ABCA12: variants seen among roughly 807,000 people sequenced by gnomAD.
The protein encoded by ABCA12 is ATP binding cassette subfamily A member 12.
A neutral mutation model predicts 293.5 loss-of-function variants in ABCA12; 156 were observed. The ratio of observed to expected loss-of-function variants is 0.53; its 90% CI spans 0.47 to 0.61. ABCA12 has a LOEUF of 0.61. Ranked by LOEUF, ABCA12 falls within the 20% of genes least tolerant of loss-of-function variation. The pLI is 0.00. For synonymous variants in ABCA12, 1,063 were observed against 1,108.0 expected (o/e 0.96, Z 0.81); for missense variants, 2,797 against 3,090.2 (o/e 0.91, Z 2.25).
intron 39 of ABCA12, chr2:214,962,457 A>G (rs987740473): frequency 5.9e-5 from 9 of 152,160 alleles, no homozygotes; most frequent in Admixed American, 2.0e-4. Context: ...GCAGTGCTCA[A>G]TGAATGGCAA....
chr2:215,119,764 CA>C (rs111543621), intron 1 of ABCA12, among the ~76,000 whole-genome samples: 16,416 of 136,648 alleles, frequency 0.12, 2,066 homozygotes, highest in African/African-American at 0.32. Flanking sequence ...GAAAACAAAA[CA>C]AAAAAAAACA....
intron 24 of ABCA12, among the ~76,000 whole-genome samples, chr2:214,990,499 T>C (rs993349479): frequency 3.9e-5 from 6 of 152,214 alleles, no homozygotes; most frequent in Middle Eastern, 3.2e-3. Context: ...CAGTATCACA[T>C]ATCATGGTTT....
chr2:214,998,027 A>G (rs1220060396), intron 22 of ABCA12, among the ~76,000 whole-genome samples: 1 of 152,152 alleles, frequency 6.6e-6, no homozygotes, highest in African/African-American at 2.4e-5. Context: ...GAGTAAGAAA[A>G]AAAAAAGCTC....
At chr2:215,073,655 A>G (rs1377134008) in intron 2 of ABCA12, among the ~76,000 whole-genome samples, 1 of 152,084 alleles carries the variant, frequency 6.6e-6, no homozygotes, top group African/African-American at 2.4e-5. Context: ...GAGGAATGGT[A>G]CACTGGGGGA....
chr2:214,950,593 G>C (rs1203481804), intron 45 of ABCA12, among the ~76,000 whole-genome samples: 2 of 149,314 alleles, frequency 1.3e-5, no homozygotes, highest in African/African-American at 4.9e-5. Context: ...CAGCCTCCAC[G>C]ACCCAGGTTC....
chr2:215,062,621 G>A (rs1387758943), intron 3 of ABCA12, among the ~76,000 whole-genome samples: 3 of 151,926 alleles, frequency 2.0e-5, no homozygotes, highest in African/African-American at 7.2e-5. Context: ...AACCGTGTTA[G>A]CTGACTTTTT....
Position 215,045,883 on chromosome 2 carries a change from C to T in ABCA12, c.826G>A (p.Asp276Asn). 1 of 1,613,592 alleles carries T rather than the reference C, an allele frequency of 6.2e-7. No homozygotes were observed. Among genetic ancestry groups the T allele is most frequent in the Non-Finnish European group, 8.5e-7 (1 of 1,179,760 alleles). The change falls in exon 7 of 53, where the codon GAC (aspartate) becomes AAC (asparagine). Residue 276 changes from aspartate (D) to asparagine (N), a missense_variant. Physicochemically the swap from Asp to Asn is conservative, Grantham distance 23. Transcript: ENST00000272895. ...TCAAATAGATTGCTTAGTGATGTGT[C>T]ATTCTGAAACACATTTGGAAAACTA... ...LSSFPNVFQNDTSLSNLFDVL... is the reference protein window; with the variant it reads ...LSSFPNVFQNNTSLSNLFDVL...
chr2:215,134,452 G>A (rs1463182581), intron 1 of ABCA12, among the ~76,000 whole-genome samples: 1 of 143,444 alleles, frequency 7.0e-6, no homozygotes, highest in African/African-American at 2.6e-5. Flanking sequence ...ACGTATATAT[G>A]TACATATATG....
chr2:214,940,376 C>A (rs1386887746), intron 50 of ABCA12, among the ~76,000 whole-genome samples: 2 of 152,194 alleles, frequency 1.3e-5, no homozygotes, highest in East Asian at 3.9e-4. Flanking sequence ...CAGTATTTTA[C>A]TGAGGATTTT....
intron 24 of ABCA12, among the ~76,000 whole-genome samples, chr2:214,990,110 T>A (rs551836924): frequency 6.6e-6 from 1 of 152,352 alleles, no homozygotes; most frequent in South Asian, 2.1e-4. Context: ...AAGTTGTCAA[T>A]GCTAGATAAA....
intron 11 of ABCA12, chr2:215,022,471 C>T (rs1266488521): frequency 6.6e-6 from 1 of 152,208 alleles, no homozygotes; most frequent in Non-Finnish European, 1.5e-5. Context: ...GAGAACAATA[C>T]AGGCATTAAA....
intron 2 of ABCA12, among the ~76,000 whole-genome samples, chr2:215,093,135 A>T (rs1367434415): frequency 6.6e-6 from 1 of 152,142 alleles, no homozygotes; most frequent in African/African-American, 2.4e-5. Context: ...GATATCGCAT[A>T]TCCCCCTCCA....
chr2:214,964,726 G>T (rs1699212353), intron 39 of ABCA12, among the ~76,000 whole-genome samples: 1 of 152,114 alleles, frequency 6.6e-6, no homozygotes, highest in Non-Finnish European at 1.5e-5. Flanking sequence ...AGCAATCAGA[G>T]AGAACACAAA....
intron 9 of ABCA12, among the ~76,000 whole-genome samples, chr2:215,031,142 C>T (rs1344383200): frequency 6.6e-6 from 1 of 152,176 alleles, no homozygotes; most frequent in African/African-American, 2.4e-5. Context: ...AGCATGGTTG[C>T]TGCTGTTATT....
intron 1 of ABCA12, among the ~76,000 whole-genome samples, chr2:215,130,041 T>C (rs1703018796): frequency 1.3e-5 from 2 of 152,200 alleles, no homozygotes; most frequent in Admixed American, 6.5e-5. Context: ...GATGTAGGTA[T>C]GTGGCTTTAT....
chr2:215,090,024 G>T (rs2372483), intron 2 of ABCA12, among the ~76,000 whole-genome samples: 16,702 of 152,036 alleles, frequency 0.11, 1,249 homozygotes, highest in East Asian at 0.42. Flanking sequence ...GAAAATGGCC[G>T]GTTCCTGCCT....
intron 8 of ABCA12, among the ~76,000 whole-genome samples, chr2:215,036,345 G>A (rs572202056): frequency 6.6e-6 from 1 of 152,202 alleles, no homozygotes; most frequent in Admixed American, 6.5e-5. Context: ...ATATGTAAAA[G>A]CTGACAAACT....
chr2:215,036,958 G>T lies in ABCA12; in HGVS notation c.980C>A (p.Ala327Asp). The T allele has an allele frequency of 1.2e-6, 2 of 1,613,192 alleles. No individual in the cohort carries two copies. Among genetic ancestry groups the T allele is most frequent in the Non-Finnish European group, 1.7e-6 (2 of 1,179,236 alleles). The change falls in exon 8 of 53, where the codon GCT becomes GAT. Residue 327 changes from alanine to aspartate, a missense_variant. Around this residue, in one of 3 missense-constraint regions of ABCA12, gnomAD observed 656 missense variants for 638.2 expected, o/e 1.03. Coordinates refer to ENST00000272895, the MANE Select transcript of ABCA12 (RefSeq NM_173076.3). ...KHLLYTLDSP[A>D]QGDSDNITHV... ...GTAAGATGGAAATATAATACCTTGA[G>T]CTGGGGAGTCCAGAGTGTACAGCAG...
intron 23 of ABCA12, among the ~76,000 whole-genome samples, chr2:214,996,456 T>G (rs1015024886): frequency 1.3e-5 from 2 of 152,172 alleles, no homozygotes; most frequent in African/African-American, 2.4e-5. Flanking sequence ...TTCTTTACTC[T>G]GTGATGATTT....
Sources: allele counts gnomAD v4.1 joint callset (sites outside exome capture counted in the v4.1 genomes callset), GRCh38; gene constraint gnomAD v4.1.1; regional missense constraint gnomAD v4.1.1; transcripts MANE v1.5; gene names NCBI Gene and HGNC (gene_info 2026-07-23, HGNC 2026-07-21).